Variants in VRK3 observed in about 807,000 individuals in gnomAD.
The protein encoded by VRK3 is VRK serine/threonine kinase 3.
VRK3 carries 50 observed loss-of-function variants against 60.4 expected under a neutral mutation model. That is an observed-to-expected ratio of 0.83 (90% CI 0.66 to 1.05). The LOEUF is 1.05. Among genes scored for constraint, VRK3 ranks in the 50% least tolerant of loss-of-function variants. The probability of loss-of-function intolerance (pLI) is 0.00; values close to 1 mark genes in which losing one functional copy is unlikely to be tolerated. For synonymous variants in VRK3, 246 were observed against 227.8 expected (o/e 1.08, Z -0.72); for missense variants, 549 against 585.3 (o/e 0.94, Z 0.64).
intron 5 of VRK3, chr19:50,001,199 C>A: frequency 4.6e-6 from 1 of 217,080 alleles, no homozygotes; most frequent in Non-Finnish European, 9.2e-6. Flanking sequence ...GGTTTCTGTG[C>A]AACACCTGCT....
chr19:49,991,175 T>C (rs553602871), intron 10 of VRK3, among the ~76,000 whole-genome samples: 1 of 152,276 alleles, frequency 6.6e-6, no homozygotes, highest in South Asian at 2.1e-4. Context: ...GGAGTGTCTA[T>C]GAGGGTGTTC....
Position 49,999,806 on chromosome 19 carries a change from G to A in VRK3, c.612+984C>T, listed in dbSNP as rs900486393. The A allele has an allele frequency of 2.6e-5, 4 of 152,272 alleles. 1 individual carries two copies. The highest frequency in any genetic ancestry group is 1.3e-4 in the Admixed American group (2 of 15,290). The allele number at this position is 152,272 out of a possible 1,614,324, so 9.4% of individuals were successfully genotyped here. ...ACAGAGAGCAAGGCTGTATTTCTAG[G>A]ATGATGAGCATAATTACAGTAGTAA... On this transcript the variant is annotated intron_variant, in intron 6 of 14. Coordinates refer to ENST00000316763, the MANE Select transcript of VRK3 (RefSeq NM_016440.4).
chr19:49,980,807 T>C (rs1435127237), intron 13 of VRK3, 148 bp downstream of exon 13: 4 of 655,382 alleles, frequency 6.1e-6, no homozygotes, highest in Non-Finnish European at 1.0e-5. Flanking sequence ...TTTGACGATT[T>C]TGTCTTTCTA....
chr19:49,999,879 C>T (rs1165207019), intron 6 of VRK3: 3 of 152,258 alleles, frequency 2.0e-5, no homozygotes, highest in African/African-American at 4.8e-5. Flanking sequence ...GCCAGACACA[C>T]CTGAACCATG....
chr19:50,008,845 TGA>T (rs983709770), intron 4 of VRK3: 1 of 160,854 alleles, frequency 6.2e-6, no homozygotes, highest in African/African-American at 2.4e-5. Context: ...AGAACGAAGG[TGA>T]GAGTGCCCTG....
At chr19:50,024,882 A>G (rs1212163636) in intron 1 of VRK3, 2 of 152,256 alleles carry the variant, frequency 1.3e-5, no homozygotes, top group African/African-American at 4.8e-5. Flanking sequence ...TTCAGGAAAC[A>G]GCACAGCAAA....
At chr19:49,977,759 G>A (rs1381224665) in intron 14 of VRK3, among the ~76,000 whole-genome samples, 11 of 152,152 alleles carry the variant, frequency 7.2e-5, no homozygotes, top group Non-Finnish European at 4.4e-5. Flanking sequence ...GAGGAGCTGT[G>A]TATCGAGCTG....
At position 49,997,369 on chromosome 19, in the gene VRK3, T is replaced by C; in HGVS notation, c.679+135A>G. 6.5e-6 allele frequency: 6 copies of C among 923,374 alleles called. No individual in the cohort carries two copies. The South Asian group carries it at 8.5e-5, about 13-fold the overall frequency. The allele number at this position is 923,374 out of a possible 1,614,324, so 57.2% of individuals were successfully genotyped here. On this transcript the variant is annotated intron_variant, in intron 7 of 14. Transcript: ENST00000316763. ...CTGAGGGGTCACAGGAGTCAGGTTATGGACACAGATGGGAGCAAACCTGGG... is the reference window on the plus strand; with the variant it reads ...CTGAGGGGTCACAGGAGTCAGGTTACGGACACAGATGGGAGCAAACCTGGG...
chr19:49,984,916 A>T (rs1025575024), intron 12 of VRK3, among the ~76,000 whole-genome samples: 1 of 152,170 alleles, frequency 6.6e-6, no homozygotes, highest in African/African-American at 2.4e-5. Flanking sequence ...GAGCCACCGC[A>T]CCAGATCTGC....
In VRK3 at chr19:49,989,633, T is replaced by C. The variant is rs775703714; in HGVS notation, c.1096+6A>G. The C allele has an allele frequency of 2.5e-6, 4 of 1,604,472 alleles. No homozygotes were observed. The East Asian group carries it at 9.0e-5, about 36-fold the overall frequency. Reference sequence around the variant, plus strand: ...TGCGGTCCCAAACCCATCCCTGGCCTCGTACCGCATCCCTTGTGCAGGTCC... The same window carrying C: ...TGCGGTCCCAAACCCATCCCTGGCCCCGTACCGCATCCCTTGTGCAGGTCC... On this transcript the variant is annotated splice_donor_region_variant and intron_variant, in intron 11 of 14. Transcript: ENST00000316763.
intron 9 of VRK3, among the ~76,000 whole-genome samples, chr19:49,994,501 C>A (rs1568787441): frequency 4.6e-5 from 7 of 152,226 alleles, no homozygotes. Context: ...CCTCTTCCAC[C>A]CAGCACTTTG....
intron 13 of VRK3, among the ~76,000 whole-genome samples, 160 bp from the exon 14 acceptor site, chr19:49,979,402 T>C (rs1194504789): frequency 6.6e-6 from 1 of 152,130 alleles, no homozygotes; most frequent in Non-Finnish European, 1.5e-5. Flanking sequence ...GCCAGAGGAC[T>C]TCAATTGTTT....
At chr19:50,003,494 A>T (rs548304048) in intron 5 of VRK3, among the ~76,000 whole-genome samples, 59 of 152,320 alleles carry the variant, frequency 3.9e-4, no homozygotes, top group Admixed American at 8.5e-4. Flanking sequence ...AGCCGCACGG[A>T]TTCATGTGAC....
intron 5 of VRK3, among the ~76,000 whole-genome samples, chr19:50,007,338 C>T (rs946362879): frequency 4.8e-5 from 7 of 145,354 alleles, no homozygotes; most frequent in African/African-American, 7.7e-5. Context: ...GCCAACTGGC[C>T]GCAGTCCCCG....
chr19:50,010,207 T>C (rs2076972610), intron 3 of VRK3, among the ~76,000 whole-genome samples: 1 of 152,210 alleles, frequency 6.6e-6, no homozygotes, highest in Admixed American at 6.5e-5. Context: ...TATTTGCCTG[T>C]GCAACTTTAA....
At chr19:50,013,856 T>A (rs2077034006) in intron 3 of VRK3, among the ~76,000 whole-genome samples, 1 of 152,148 alleles carries the variant, frequency 6.6e-6, no homozygotes, top group South Asian at 2.1e-4. Context: ...TTGAGACAAG[T>A]ACCAAAAAGA....
intron 2 of VRK3, among the ~76,000 whole-genome samples, chr19:50,019,715 C>CTTTTTTTTTTTTT (rs1225686835): frequency 4.3e-3 from 218 of 50,342 alleles, no homozygotes; most frequent in Non-Finnish European, 5.1e-3. Flanking sequence ...TTTTTTTTTA[C>CTTTTTTTTTTTTT]TTTTTGTAGA....
chr19:49,978,014 A>T (rs10414636), intron 14 of VRK3, among the ~76,000 whole-genome samples: 8,110 of 152,204 alleles, frequency 0.053, 714 homozygotes, highest in African/African-American at 0.19. Flanking sequence ...GCCAAGAAGA[A>T]CGTCGCTGCG....
chr19:49,987,265 C>T (rs11879659), intron 12 of VRK3, among the ~76,000 whole-genome samples: 7,959 of 152,226 alleles, frequency 0.052, 677 homozygotes, highest in African/African-American at 0.18. Flanking sequence ...ATACCCACAG[C>T]GCTTCCCTTT....
Sources: gnomAD v4.1 joint callset for allele counts (sites outside exome capture counted in the v4.1 genomes callset) on GRCh38, gnomAD v4.1.1 for gene constraint, MANE v1.5 for transcripts, NCBI Gene and HGNC (gene_info 2026-07-23, HGNC 2026-07-21) for gene names.